Variants in ANKS1A observed in about 807,000 individuals in gnomAD.
ANKS1A encodes ankyrin repeat and sterile alpha motif domain containing 1A.
A neutral mutation model predicts 120.3 loss-of-function variants in ANKS1A; 55 were observed. That is an observed-to-expected ratio of 0.46 (90% CI 0.37 to 0.57). ANKS1A has a LOEUF of 0.57. Among genes scored for constraint, ANKS1A ranks in the 20% least tolerant of loss-of-function variants. The probability of loss-of-function intolerance (pLI) is 0.00; values close to 1 mark genes in which losing one functional copy is unlikely to be tolerated. For synonymous variants in ANKS1A, 590 were observed against 604.7 expected (o/e 0.98, Z 0.36); for missense variants, 1,123 against 1,480.3 (o/e 0.76, Z 3.96).
intron 8 of ANKS1A, among the ~76,000 whole-genome samples, chr6:34,988,527 C>T (rs995257076): frequency 6.6e-6 from 1 of 152,248 alleles, no homozygotes; most frequent in African/African-American, 2.4e-5. Flanking sequence ...ACCTGGGAGG[C>T]GGAGCTTGCA....
intron 11 of ANKS1A, among the ~76,000 whole-genome samples, chr6:35,034,512 G>A (rs1775059471): frequency 6.6e-6 from 1 of 152,176 alleles, no homozygotes; most frequent in African/African-American, 2.4e-5. Flanking sequence ...CCTGGCTTGT[G>A]GGAAGTTCTG....
chr6:34,907,263 CAA>C (rs759072718), intron 1 of ANKS1A, among the ~76,000 whole-genome samples: 2 of 152,154 alleles, frequency 1.3e-5, no homozygotes, highest in Admixed American at 6.6e-5. Flanking sequence ...GAAGTATCAA[CAA>C]AGTCTGTAGT....
At chr6:34,918,380 A>G (rs1318220733) in intron 1 of ANKS1A, among the ~76,000 whole-genome samples, 1 of 152,164 alleles carries the variant, frequency 6.6e-6, no homozygotes, top group Non-Finnish European at 1.5e-5. Context: ...AATAGTATCT[A>G]CATACACAGT....
intron 11 of ANKS1A, among the ~76,000 whole-genome samples, chr6:35,029,674 TAAG>T (rs1774804162): frequency 6.6e-6 from 1 of 150,590 alleles, no homozygotes; most frequent in South Asian, 2.1e-4. Context: ...GTATCCCAGT[TAAG>T]AAGACTTTCC....
At chr6:34,969,500 C>T (rs1771073727) in intron 2 of ANKS1A, among the ~76,000 whole-genome samples, 1 of 152,202 alleles carries the variant, frequency 6.6e-6, no homozygotes, top group Non-Finnish European at 1.5e-5. Context: ...GGTGATCCAC[C>T]CGCCTCAGCC....
Position 34,982,680 on chromosome 6 carries a change from C to A in ANKS1A, c.733-72C>A. 1 of 1,420,924 alleles carries A rather than the reference C, an allele frequency of 7.0e-7. No individual in the cohort carries two copies. The highest frequency in any genetic ancestry group is 1.0e-6 in the Non-Finnish European group (1 of 1,004,328). 88.0% of individuals were successfully genotyped at this position (1,420,924 alleles called of 1,614,324 possible). ...ATTTTGTGTCCCTTCTTGTCTGTGT[C>A]CCCTTTGTCACGTGAAGCCGCACCA... On this transcript the variant is annotated intron_variant, in intron 4 of 23. Transcript: ENST00000360359. This position sits in a 1 kb window ranked among gnomAD's most constrained non-coding sequence, Gnocchi z 4.9.
intron 1 of ANKS1A, among the ~76,000 whole-genome samples, chr6:34,945,593 C>T (rs1489291109): frequency 6.6e-6 from 1 of 152,144 alleles, no homozygotes. Context: ...TTTATTTGTT[C>T]ACCCATCACA....
chr6:35,047,734 C>A (rs1775777859), intron 11 of ANKS1A, among the ~76,000 whole-genome samples: 1 of 152,198 alleles, frequency 6.6e-6, no homozygotes, highest in Non-Finnish European at 1.5e-5. Flanking sequence ...CTTTTTTATT[C>A]TTTCAGCAGT....
chr6:34,992,122 T>C, intron 9 of ANKS1A, among the ~76,000 whole-genome samples: 1 of 152,176 alleles, frequency 6.6e-6, no homozygotes, highest in African/African-American at 2.4e-5. Context: ...AATGAGGCCA[T>C]ACTGGTCCAG....
At chr6:34,964,447 A>C (rs1314446448) in intron 1 of ANKS1A, among the ~76,000 whole-genome samples, 3 of 152,128 alleles carry the variant, frequency 2.0e-5, no homozygotes, top group Non-Finnish European at 4.4e-5. Flanking sequence ...TCTTCCAGTC[A>C]CCATCCATTT....
At chr6:35,074,814 GA>G (rs1229020923) in intron 13 of ANKS1A, among the ~76,000 whole-genome samples, 1 of 152,230 alleles carries the variant, frequency 6.6e-6, no homozygotes, top group Non-Finnish European at 1.5e-5. Flanking sequence ...TGGGCTCTCT[GA>G]AGCTTAAGTC....
At position 35,017,572 on chromosome 6, in the gene ANKS1A, C is replaced by G. The variant is rs767311862; in HGVS notation, c.1523C>G (p.Pro508Arg). Residue 508 changes from proline to arginine, a missense_variant, in exon 11 of 24, where the codon CCG (proline) becomes CGG (arginine). By Grantham distance (103) the Pro-to-Arg change is moderately radical. Coordinates refer to ENST00000360359, the MANE Select transcript of ANKS1A (RefSeq NM_015245.3). ...QFSGLLHGSS[P>R]VCEVGQDPFQ... is the part of the protein sequence containing the mutation. ...TCAGGCCTCCTCCACGGCTCCTCCC[C>G]GGTGTGCGAGGTGGGGCAGGACCCT... 1 of 1,613,936 alleles carries G rather than the reference C, an allele frequency of 6.2e-7. No individual in the cohort carries two copies. Among genetic ancestry groups the G allele is most frequent in the Non-Finnish European group, 8.5e-7 (1 of 1,179,992 alleles).
At chr6:35,045,111 T>C (rs755298172) in intron 11 of ANKS1A, among the ~76,000 whole-genome samples, 6 of 152,208 alleles carry the variant, frequency 3.9e-5, no homozygotes, top group Non-Finnish European at 8.8e-5. Flanking sequence ...ACAGCAGCAA[T>C]AACCTTGCAT....
intron 16 of ANKS1A, 85 bp from the exon 17 acceptor site, chr6:35,080,909 G>T: frequency 6.6e-7 from 1 of 1,525,728 alleles, no homozygotes. Context: ...TGCCTGTGCC[G>T]TCCTAACCAG....
chr6:35,046,153 T>C (rs1775710892), intron 11 of ANKS1A, among the ~76,000 whole-genome samples: 2 of 152,200 alleles, frequency 1.3e-5, no homozygotes, highest in African/African-American at 4.8e-5. Context: ...CTGATTAATA[T>C]GAGCCAGTTT....
chr6:34,981,199 A>G (rs751110043), intron 3 of ANKS1A, among the ~76,000 whole-genome samples: 2 of 152,194 alleles, frequency 1.3e-5, no homozygotes, highest in East Asian at 1.9e-4. Context: ...ATTGATTTGC[A>G]TGCAAGAAGC....
At position 35,084,290 on chromosome 6, in the gene ANKS1A, G is replaced by T; in HGVS notation, c.3132+32G>T. Reference sequence around the variant, plus strand: ...GGGGTCCTGGGGCCGGGTGGGGCAGGCTTGGGTTGCAGCCCTGAGGCGTCC... The same window carrying T: ...GGGGTCCTGGGGCCGGGTGGGGCAGTCTTGGGTTGCAGCCCTGAGGCGTCC... On this transcript the variant is annotated intron_variant, in intron 21 of 23. Coordinates refer to ENST00000360359, the MANE Select transcript of ANKS1A (RefSeq NM_015245.3). This position sits in a 1 kb window ranked among gnomAD's most constrained non-coding sequence, Gnocchi z 4.8. 3 of 1,610,682 alleles carry T rather than the reference G, an allele frequency of 1.9e-6. No homozygotes were observed. The South Asian group carries it at 3.3e-5, about 18-fold the overall frequency.
chr6:34,916,816 G>A (rs191480681), intron 1 of ANKS1A, among the ~76,000 whole-genome samples: 2 of 152,236 alleles, frequency 1.3e-5, no homozygotes, highest in African/African-American at 4.8e-5. Flanking sequence ...ACAGAGTTTT[G>A]GGAAATTTCC....
At chr6:35,083,083 C>A (rs137878126) in intron 18 of ANKS1A, 72 bp from the exon 19 acceptor site, 219 of 1,576,694 alleles carry the variant, frequency 1.4e-4, no homozygotes, top group Middle Eastern at 1.0e-3. Flanking sequence ...GTGGGACAGT[C>A]CCAAATTGGT....
Sources: gnomAD v4.1 joint callset for allele counts (sites outside exome capture counted in the v4.1 genomes callset) on GRCh38, gnomAD v4.1.1 for gene constraint, Gnocchi (gnomAD v3.1) non-coding constraint, MANE v1.5 for transcripts, NCBI Gene and HGNC (gene_info 2026-07-23, HGNC 2026-07-21) for gene names.